Variants in CPOX observed in about 807,000 individuals in gnomAD.
CPOX encodes the protein oxygen-dependent coproporphyrinogen-III oxidase, mitochondrial.
Under a neutral mutation model 48.9 loss-of-function variants are expected in CPOX, and 24 were observed. The observed-to-expected ratio is 0.49, with a 90% CI of 0.36 to 0.69. CPOX has a LOEUF of 0.69. CPOX is among the 30% of genes least tolerant of loss of function. CPOX has a pLI of 0.00. For missense variants in CPOX, 549 were observed against 597.3 expected (o/e 0.92, Z 0.84); for synonymous variants, 249 against 234.6 (o/e 1.06, Z -0.56).
At chr3:98,575,959 C>T (rs1707155797), downstream of CPOX, among the ~76,000 whole-genome samples, 1 of 151,218 alleles carries the variant, frequency 6.6e-6, no homozygotes, top group Non-Finnish European at 1.5e-5. Flanking sequence ...GTAATCCCAG[C>T]TACTCGGGAG....
At chr3:98,578,915 T>C (rs928366933), downstream of CPOX, among the ~76,000 whole-genome samples, 2 of 152,238 alleles carry the variant, frequency 1.3e-5, no homozygotes, top group African/African-American at 4.8e-5. Context: ...CTTGTATTTT[T>C]CTTGAGTAAA....
chr3:98,572,620 C>G, the CPOX span, among the ~76,000 whole-genome samples: 1 of 152,106 alleles, frequency 6.6e-6, no homozygotes, highest in Admixed American at 6.6e-5. Flanking sequence ...TATTTCTAGT[C>G]TACTGATTAC....
the CPOX span, among the ~76,000 whole-genome samples, chr3:98,574,302 A>G: frequency 6.6e-6 from 1 of 152,214 alleles, no homozygotes; most frequent in Non-Finnish European, 1.5e-5. Context: ...GGATTCTGAT[A>G]GGGCACAGCA....
chr3:98,574,736 G>A (rs922938516), downstream of CPOX, among the ~76,000 whole-genome samples: 19 of 152,134 alleles, frequency 1.2e-4, no homozygotes, highest in African/African-American at 4.1e-4. Context: ...CCATCACCAC[G>A]CCTGGCTAAT....
intron 1 of CPOX, among the ~76,000 whole-genome samples, chr3:98,591,966 C>CAT (rs10535615): frequency 0.042 from 6,105 of 145,760 alleles, 185 homozygotes; most frequent in Middle Eastern, 0.12. Context: ...ATATTCCATC[C>CAT]ATATATATAT....
Position 98,580,485 on chromosome 3 carries a change from TTGACTC to T in CPOX, c.*192_*197del. The T allele has an allele frequency of 7.0e-7, 1 of 1,422,248 alleles. No individual in the cohort carries two copies. Among genetic ancestry groups the T allele is most frequent in the Non-Finnish European group, 9.2e-7 (1 of 1,090,154 alleles). 88.1% of individuals were successfully genotyped at this position (1,422,248 alleles called of 1,614,324 possible). On this transcript the variant is annotated 3_prime_UTR_variant, in exon 7 of 7. Transcript: ENST00000647941. ...AGAAGTATAAATGAGGTTTAATCAA[TTGACTC>T]TGACAATCTGCCATCTCACCATTCA...
chr3:98,592,128 G>C (rs1490160108), intron 1 of CPOX, among the ~76,000 whole-genome samples: 1 of 152,044 alleles, frequency 6.6e-6, no homozygotes, highest in Non-Finnish European at 1.5e-5. Context: ...TTGTGTCCTG[G>C]TTCAGTGGTC....
the CPOX span, among the ~76,000 whole-genome samples, chr3:98,572,378 A>G: frequency 0.38 from 57,963 of 151,830 alleles, 11,562 homozygotes; most frequent in African/African-American, 0.5. Context: ...TATAGCTATC[A>G]TTTTTTACTT....
chr3:98,593,593 G>T lies in CPOX; in HGVS notation c.-89C>A. Reference sequence around the variant, plus strand: ...CAGACCCCCGGAGTATTGAGCCGGCGAGCTGCACAGGCGGAAAGAACCTTT... The same window carrying T: ...CAGACCCCCGGAGTATTGAGCCGGCTAGCTGCACAGGCGGAAAGAACCTTT... On this transcript the variant is annotated 5_prime_UTR_variant, in exon 1 of 7. Transcript: ENST00000647941. The T allele has an allele frequency of 1.5e-6, 2 of 1,342,568 alleles. No individual in the cohort carries two copies. The highest frequency in any genetic ancestry group is 1.4e-5 in the South Asian group (1 of 73,916). 83.2% of individuals were successfully genotyped at this position (1,342,568 alleles called of 1,614,324 possible).
chr3:98,578,771 T>C (rs1707198240), downstream of CPOX, among the ~76,000 whole-genome samples: 1 of 152,234 alleles, frequency 6.6e-6, no homozygotes, highest in Non-Finnish European at 1.5e-5. Flanking sequence ...GCAATAGTTA[T>C]TCCTTTTCAT....
chr3:98,583,617 A>T (rs1333421099), intron 5 of CPOX, among the ~76,000 whole-genome samples: 1 of 152,194 alleles, frequency 6.6e-6, no homozygotes, highest in East Asian at 1.9e-4. Flanking sequence ...TAACTGTAAG[A>T]CTGATGTTCA....
the CPOX span, among the ~76,000 whole-genome samples, chr3:98,573,534 C>T: frequency 6.6e-6 from 1 of 151,006 alleles, no homozygotes; most frequent in Non-Finnish European, 1.5e-5. Context: ...ATTCTCCCTC[C>T]TTCCTTGCTT....
At chr3:98,580,866 A>G (rs1025825629) in intron 6 of CPOX, 96 bp from the exon 7 acceptor site, 1 of 1,354,466 alleles carries the variant, frequency 7.4e-7, no homozygotes, top group Non-Finnish European at 9.9e-7. Flanking sequence ...CTAAGAATAA[A>G]AAAAAAAAAA....
intron 5 of CPOX, 103 bp downstream of exon 5, chr3:98,585,338 C>CA: frequency 1.1e-6 from 1 of 899,692 alleles, no homozygotes; most frequent in Non-Finnish European, 1.9e-6. Context: ...AAGAAATTAA[C>CA]ACAACTATTA....
At chr3:98,577,027 T>G (rs1707172193), downstream of CPOX, among the ~76,000 whole-genome samples, 1 of 152,038 alleles carries the variant, frequency 6.6e-6, no homozygotes, top group Non-Finnish European at 1.5e-5. Flanking sequence ...TAGAAGAGAT[T>G]GACTCCAAGG....
chr3:98,581,316 G>A, intron 6 of CPOX, 91 bp downstream of exon 6: 2 of 927,518 alleles, frequency 2.2e-6, no homozygotes, highest in South Asian at 2.6e-5. Context: ...AAAGACCTAG[G>A]CACAACATCT....
rs1378121676 is a variant in CPOX, at chr3:98,593,150, C to T, written c.355G>A (p.Glu119Lys). Reference sequence around the variant, plus strand: ...CAGCGGTGGGCCAGCTCATCCTCCTCCTCCTCCGGCCTCCCCAGCGAAGTG... The same window carrying T: ...CAGCGGTGGGCCAGCTCATCCTCCTTCTCCTCCGGCCTCCCCAGCGAAGTG... ...RATSLGRPEE[E>K]EDELAHRCSS... Residue 119 changes from glutamate to lysine, a missense_variant, in exon 1 of 7, where the codon GAG (glutamate) becomes AAG (lysine). Glu to Lys is a moderately conservative substitution (Grantham distance 56). Around this residue, in one of 2 missense-constraint regions of CPOX, gnomAD observed 336 missense variants for 318.1 expected, o/e 1.06. Transcript: ENST00000647941. 5 of 1,612,412 alleles carry T rather than the reference C, an allele frequency of 3.1e-6. No homozygotes were observed. In the Admixed American group the frequency reaches 8.3e-5, roughly 27 times the overall value.
intron 4 of CPOX, 165 bp from the exon 5 acceptor site, chr3:98,585,824 T>G: frequency 2.9e-6 from 2 of 678,454 alleles, no homozygotes; most frequent in Non-Finnish European, 5.4e-6. Context: ...GACAGATAGA[T>G]TTTTTGCAGA....
intron 1 of CPOX, among the ~76,000 whole-genome samples, chr3:98,592,296 C>T (rs969050271): frequency 3.9e-5 from 6 of 152,138 alleles, no homozygotes; most frequent in Admixed American, 1.3e-4. Flanking sequence ...TGTGGGGTTT[C>T]ACTGTATGGG....
Sources: gnomAD v4.1 joint callset for allele counts (sites outside exome capture counted in the v4.1 genomes callset) on GRCh38, gnomAD v4.1.1 for gene constraint, gnomAD v4.1.1 regional missense constraint, MANE v1.5 for transcripts, NCBI Gene and HGNC (gene_info 2026-07-23, HGNC 2026-07-21) for gene names.